HELB: variants seen among roughly 807,000 people sequenced by gnomAD.
HELB encodes the protein DNA helicase B, also known as DNA 5'-3' helicase B.
A neutral mutation model predicts 101.7 loss-of-function variants in HELB; 96 were observed. The observed-to-expected ratio is 0.94, with a 90% CI of 0.80 to 1.12. The LOEUF is 1.12. Ranked by LOEUF, HELB falls within the 50% of genes most tolerant of loss-of-function variation. The probability of loss-of-function intolerance (pLI) is 0.00; values close to 1 mark genes in which losing one functional copy is unlikely to be tolerated. For missense variants in HELB, 1,210 were observed against 1,291.9 expected (o/e 0.94, Z 0.97); for synonymous variants, 437 against 459.7 (o/e 0.95, Z 0.63).
chr12:66,310,758 C>T, intron 4 of HELB, 150 bp downstream of exon 4: 4 of 694,432 alleles, frequency 5.8e-6, no homozygotes, highest in South Asian at 5.7e-5. Flanking sequence ...TGGTGGAACC[C>T]TGTCTCTACT....
At chr12:66,307,967 G>C (rs2053496705) in intron 3 of HELB, among the ~76,000 whole-genome samples, 1 of 148,246 alleles carries the variant, frequency 6.7e-6, no homozygotes. Flanking sequence ...CTGTCCTCAA[G>C]TGATCTGCCC....
intron 12 of HELB, among the ~76,000 whole-genome samples, chr12:66,333,553 G>A (rs2053832181): frequency 6.6e-6 from 1 of 152,018 alleles, no homozygotes; most frequent in South Asian, 2.1e-4. Flanking sequence ...AGGCATGGTG[G>A]CAGTCACCTG....
chr12:66,330,625 T>G (rs1037319537), intron 11 of HELB, among the ~76,000 whole-genome samples: 3 of 148,318 alleles, frequency 2.0e-5, no homozygotes, highest in Non-Finnish European at 4.5e-5. Context: ...TCTCTGATGT[T>G]CACAAAATAG....
chr12:66,302,756 C>A lies in HELB; in HGVS notation c.153C>A (p.Gly51=). 1 of 1,613,134 alleles carries A rather than the reference C, an allele frequency of 6.2e-7. No individual in the cohort carries two copies. The highest frequency in any genetic ancestry group is 1.3e-5 in the African/African-American group (1 of 75,038). The part of the protein sequence containing the change: ...FIDAEELCSG[G]VKAGSLPGCL... Reference sequence around the variant, plus strand: ...ACGCCGAGGAGCTCTGCAGTGGGGGCGTAAAGGCTGGCAGCCTCCCCGGGT... The same window carrying A: ...ACGCCGAGGAGCTCTGCAGTGGGGGAGTAAAGGCTGGCAGCCTCCCCGGGT... Residue 51 remains glycine, a synonymous_variant, in exon 1 of 13, where the codon GGC becomes GGA. Coordinates refer to ENST00000247815, the MANE Select transcript of HELB (RefSeq NM_001370285.1).
chr12:66,327,035 CAAAAAAAAAAAA>C (rs756031862), intron 11 of HELB, among the ~76,000 whole-genome samples: 6 of 41,702 alleles, frequency 1.4e-4, no homozygotes, highest in African/African-American at 3.0e-4. Flanking sequence ...GACTTCATCT[CAAAAAAAAAAAA>C]AAAAAAAAAA....
intron 9 of HELB, 54 bp downstream of exon 9, chr12:66,322,837 GGTT>G: frequency 8.0e-7 from 1 of 1,247,650 alleles, no homozygotes; most frequent in Non-Finnish European, 1.1e-6. Context: ...TCGATTTGCT[GGTT>G]TTTTTTTTTG....
chr12:66,322,808 T>C (rs767092061), intron 9 of HELB, 25 bp downstream of exon 9: 2 of 1,527,194 alleles, frequency 1.3e-6, no homozygotes, highest in Admixed American at 1.8e-5. Context: ...GAACTGAAAC[T>C]TTTAAGGACA....
At chr12:66,308,541 A>T (rs928558768) in intron 3 of HELB, among the ~76,000 whole-genome samples, 7 of 152,220 alleles carry the variant, frequency 4.6e-5, no homozygotes, top group African/African-American at 1.7e-4. Flanking sequence ...TGGTTGGCTT[A>T]AACAACAGAA....
chr12:66,310,423 G>A lies in HELB; in HGVS notation c.1495G>A (p.Glu499Lys). 1 of 1,614,126 alleles carries A rather than the reference G, an allele frequency of 6.2e-7. No individual in the cohort carries two copies. Among genetic ancestry groups the A allele is most frequent in the Non-Finnish European group, 8.5e-7 (1 of 1,180,024 alleles). The change falls in exon 4 of 13, where the codon GAA (glutamate) becomes AAA (lysine). Residue 499 changes from glutamate to lysine, a missense_variant. Physicochemically the swap from Glu to Lys is moderately conservative, Grantham distance 56. Around this residue, in one of 2 missense-constraint regions of HELB, gnomAD observed 740 missense variants for 728.8 expected, o/e 1.02. Coordinates refer to ENST00000247815, the MANE Select transcript of HELB (RefSeq NM_001370285.1). Reference sequence around the variant, plus strand: ...GCATATAGAGCAGTTGGAAGAAAGAGAAGTAAAAAAAGCCTGTGAAGATTT... The same window carrying A: ...GCATATAGAGCAGTTGGAAGAAAGAAAAGTAAAAAAAGCCTGTGAAGATTT... Reference protein sequence around the residue: ...FKHIEQLEEREVKKACEDFEQ... With the variant: ...FKHIEQLEERKVKKACEDFEQ...
chr12:66,338,236 A>C, downstream of HELB: 1 of 648,220 alleles, frequency 1.5e-6, no homozygotes, highest in Non-Finnish European at 2.7e-6. Context: ...CAAATGTTTT[A>C]AATCCATTTC....
At chr12:66,322,079 A>G (rs1310113059) in intron 8 of HELB, 50 bp downstream of exon 8, 1 of 708,100 alleles carries the variant, frequency 1.4e-6, no homozygotes, top group African/African-American at 1.8e-5. Context: ...TTTAAATCTC[A>G]TAACTTATTA....
At chr12:66,314,402 A>T (rs2053578133) in intron 5 of HELB, among the ~76,000 whole-genome samples, 2 of 152,284 alleles carry the variant, frequency 1.3e-5, no homozygotes, top group Non-Finnish European at 1.5e-5. Context: ...GCTACTGCTA[A>T]TCACCTAAAT....
intron 6 of HELB, among the ~76,000 whole-genome samples, chr12:66,318,401 G>C (rs1459545447): frequency 6.6e-6 from 1 of 152,038 alleles, no homozygotes; most frequent in African/African-American, 2.4e-5. Context: ...CTTTTAGTTT[G>C]CTAAGGACTG....
rs148460383 is a variant in HELB at position 66,335,010 on chromosome 12, A to T, written c.3163-2991A>T. The stretch of plus-strand genomic sequence containing the variant: ...GATGTGATGAGGTAAAAGAGAAAGT[A>T]ATCCAGGATGATTCCTGGATTTCTG... On this transcript the variant is annotated intron_variant, in intron 12 of 12. Coordinates refer to ENST00000247815, the MANE Select transcript of HELB (RefSeq NM_001370285.1). 5.1e-4 allele frequency among the ~76,000 whole-genome samples: 78 copies of T among 152,256 alleles called. 1 individual carries two copies. In the East Asian group the frequency reaches 0.013, roughly 26 times the overall value.
chr12:66,310,820 A>C (rs2053535728), intron 4 of HELB, among the ~76,000 whole-genome samples: 1 of 152,100 alleles, frequency 6.6e-6, no homozygotes, highest in African/African-American at 2.4e-5. Context: ...AATCCCAGCT[A>C]CTCGGGAGGC....
At chr12:66,336,745 A>G (rs1159432108) in intron 12 of HELB, among the ~76,000 whole-genome samples, 1 of 152,212 alleles carries the variant, frequency 6.6e-6, no homozygotes, top group East Asian at 1.9e-4. Context: ...CACAGGGCAC[A>G]GTGAGAGGAT....
intron 11 of HELB, among the ~76,000 whole-genome samples, chr12:66,329,071 A>G (rs536906788): frequency 2.0e-4 from 31 of 152,358 alleles, no homozygotes; most frequent in African/African-American, 5.8e-4. Context: ...CATATACATA[A>G]TTAAAAGTAA....
At chr12:66,304,683 A>T in intron 1 of HELB, 48 bp from the exon 2 acceptor site, 1 of 1,517,370 alleles carries the variant, frequency 6.6e-7, no homozygotes, top group Non-Finnish European at 8.9e-7. Flanking sequence ...CGGTTTCTAA[A>T]TAATCTCCAG....
At position 66,331,241 on chromosome 12, in the gene HELB, C is replaced by T. The variant is rs771426839; in HGVS notation, c.2758C>T (p.Arg920Cys). The change falls in exon 12 of 13, where the codon CGC becomes TGC. Residue 920 changes from arginine to cysteine, a missense_variant. Transcript: ENST00000247815. ...TGTCTACACCGCCGTGACCAGGGGC[C>T]GCTGCCGAGTGTATGTGATTGCAGA... Reference protein sequence around the residue: ...QHVYTAVTRGRCRVYVIAEES... With the variant: ...QHVYTAVTRGCCRVYVIAEES... 6.4e-5 allele frequency: 103 copies of T among 1,614,062 alleles called. No individual in the cohort carries two copies. The highest frequency in any genetic ancestry group is 4.8e-4 in the African/African-American group (36 of 74,926).
Sources: allele counts gnomAD v4.1 joint callset (sites outside exome capture counted in the v4.1 genomes callset), GRCh38; gene constraint gnomAD v4.1.1; regional missense constraint gnomAD v4.1.1; transcripts MANE v1.5; gene names NCBI Gene and HGNC (gene_info 2026-07-23, HGNC 2026-07-21).